Variants in GIPC2 observed in about 807,000 individuals in gnomAD.
GIPC2 encodes GIPC PDZ domain containing family member 2.
In GIPC2, 30 loss-of-function variants were observed where a neutral mutation model predicts 30.6. The observed-to-expected ratio is 0.98, with a 90% CI of 0.73 to 1.33. The LOEUF (loss-of-function observed/expected upper bound fraction) is 1.33. Ranked by LOEUF, GIPC2 falls within the 40% of genes most tolerant of loss-of-function variation. The pLI is 0.00. For missense variants in GIPC2, 414 were observed against 390.3 expected (o/e 1.06, Z -0.51); for synonymous variants, 167 against 150.0 (o/e 1.11, Z -0.83).
chr1:78,081,681 A>G (rs930983240), intron 2 of GIPC2, among the ~76,000 whole-genome samples: 1 of 152,180 alleles, frequency 6.6e-6, no homozygotes, highest in Non-Finnish European at 1.5e-5. Flanking sequence ...GTGTGAAACT[A>G]AGAACTGAGG....
Position 78,135,631 on chromosome 1 carries a change from C to T in GIPC2, c.836C>T (p.Pro279Leu), listed in dbSNP as rs1195952056. Residue 279 changes from proline to leucine, a missense_variant, in exon 6 of 6, where the codon CCA becomes CTA. Coordinates refer to ENST00000370759, the MANE Select transcript of GIPC2 (RefSeq NM_017655.6). ...GAAGCTGGAAAGGACAAAGTAAATCCAGATGAATTTGCTGTGGCACTTGAC... is the reference window on the plus strand; with the variant it reads ...GAAGCTGGAAAGGACAAAGTAAATCTAGATGAATTTGCTGTGGCACTTGAC... ...MFEAGKDKVNPDEFAVALDET... is the reference protein window; with the variant it reads ...MFEAGKDKVNLDEFAVALDET... 2 of 1,604,196 alleles carry T rather than the reference C, an allele frequency of 1.2e-6. No homozygotes were observed. Among genetic ancestry groups the T allele is most frequent in the East Asian group, 2.2e-5 (1 of 44,834 alleles).
At chr1:78,121,514 A>G (rs1662682906) in intron 4 of GIPC2, among the ~76,000 whole-genome samples, 1 of 152,100 alleles carries the variant, frequency 6.6e-6, no homozygotes, top group Admixed American at 6.5e-5. Context: ...GTAGACACTT[A>G]AGGAACACAT....
chr1:78,063,736 TTGCCGGGTG>T (rs1208170151), intron 1 of GIPC2, among the ~76,000 whole-genome samples: 1 of 151,282 alleles, frequency 6.6e-6, no homozygotes, highest in East Asian at 2.0e-4. Context: ...ATACAAAAAT[TTGCCGGGTG>T]TGGTGGTGCA....
chr1:78,045,129 G>C (rs1191165370), upstream of GIPC2: 1 of 920,200 alleles, frequency 1.1e-6, no homozygotes, highest in African/African-American at 1.8e-5. Flanking sequence ...ACTTGTATTT[G>C]GTAATTAAGA....
chr1:78,069,568 G>A (rs1484887355), intron 1 of GIPC2, among the ~76,000 whole-genome samples: 1 of 149,666 alleles, frequency 6.7e-6, no homozygotes, highest in East Asian at 2.0e-4. Context: ...CTGCCTCCCA[G>A]GTTCAAGTGA....
At chr1:78,115,730 A>T (rs187201677) in intron 3 of GIPC2, among the ~76,000 whole-genome samples, 4 of 152,284 alleles carry the variant, frequency 2.6e-5, no homozygotes, top group Admixed American at 2.6e-4. Context: ...TAGCATTTGG[A>T]TGTTTCCCAA....
At chr1:78,085,927 A>T (rs1254761893) in intron 2 of GIPC2, among the ~76,000 whole-genome samples, 3 of 110,734 alleles carry the variant, frequency 2.7e-5, no homozygotes, top group Non-Finnish European at 1.9e-5. Flanking sequence ...TGTTCAGTTC[A>T]GCTCTGGTTT....
At chr1:78,077,963 C>T (rs903796375) in intron 1 of GIPC2, among the ~76,000 whole-genome samples, 7 of 151,796 alleles carry the variant, frequency 4.6e-5, no homozygotes, top group Middle Eastern at 6.8e-3. Context: ...CCGAGGCGGG[C>T]GGATCACGAG....
At chr1:78,089,744 C>T (rs1288794752) in intron 2 of GIPC2, among the ~76,000 whole-genome samples, 1 of 152,152 alleles carries the variant, frequency 6.6e-6, no homozygotes, top group Non-Finnish European at 1.5e-5. Context: ...ATATAAATAC[C>T]TTAATCAGAA....
At chr1:78,109,486 C>G (rs1475036166) in intron 3 of GIPC2, among the ~76,000 whole-genome samples, 1 of 152,202 alleles carries the variant, frequency 6.6e-6, no homozygotes, top group Non-Finnish European at 1.5e-5. Context: ...GCTCTGCCCA[C>G]TTACCTGGTT....
intron 3 of GIPC2, among the ~76,000 whole-genome samples, chr1:78,106,663 A>G (rs1448873604): frequency 6.6e-6 from 1 of 152,214 alleles, no homozygotes; most frequent in Non-Finnish European, 1.5e-5. Flanking sequence ...AAAATACCTT[A>G]CAGTGGATTT....
At chr1:78,135,431 A>T (rs1662982205) in intron 5 of GIPC2, among the ~76,000 whole-genome samples, 161 bp from the exon 6 acceptor site, 1 of 152,124 alleles carries the variant, frequency 6.6e-6, no homozygotes, top group Admixed American at 6.6e-5. Flanking sequence ...TGTGTGTGTG[A>T]GAGAGGGTAT....
intron 5 of GIPC2, among the ~76,000 whole-genome samples, chr1:78,129,762 A>G (rs1662856358): frequency 6.6e-6 from 1 of 152,304 alleles, no homozygotes; most frequent in Admixed American, 6.5e-5. Flanking sequence ...CTCAGTGGAA[A>G]GTTGTGTCAT....
intron 2 of GIPC2, among the ~76,000 whole-genome samples, chr1:78,088,101 AT>A (rs1661966084): frequency 6.6e-6 from 1 of 152,246 alleles, no homozygotes; most frequent in Non-Finnish European, 1.5e-5. Flanking sequence ...AAATAAAAAA[AT>A]AAGTTGCTGG....
At chr1:78,119,271 G>A (rs911790590) in intron 3 of GIPC2, 122 bp from the exon 4 acceptor site, 29 of 583,668 alleles carry the variant, frequency 5.0e-5, no homozygotes, top group Admixed American at 1.6e-4. Flanking sequence ...GAAGGCCTAC[G>A]TTTTATCAAA....
chr1:78,067,557 T>C (rs1661542270), intron 1 of GIPC2, among the ~76,000 whole-genome samples: 1 of 152,122 alleles, frequency 6.6e-6, no homozygotes. Context: ...GTTCAAGCGA[T>C]TCTCCCACCT....
intron 1 of GIPC2, among the ~76,000 whole-genome samples, chr1:78,079,890 A>G (rs1289651473): frequency 1.3e-5 from 2 of 151,992 alleles, no homozygotes; most frequent in Admixed American, 1.3e-4. Flanking sequence ...CCCCTTTGAA[A>G]TCTCCACACA....
At chr1:78,122,119 G>A (rs1471375196) in intron 4 of GIPC2, among the ~76,000 whole-genome samples, 1 of 152,084 alleles carries the variant, frequency 6.6e-6, no homozygotes, top group Non-Finnish European at 1.5e-5. Context: ...TACCTGGGGA[G>A]GTAGGAAAGA....
chr1:78,072,745 G>A (rs1441474820), intron 1 of GIPC2, among the ~76,000 whole-genome samples: 1 of 152,034 alleles, frequency 6.6e-6, no homozygotes, highest in Non-Finnish European at 1.5e-5. Context: ...CATAATCCAG[G>A]TGGTTTTCTT....
Sources: allele counts gnomAD v4.1 joint callset (sites outside exome capture counted in the v4.1 genomes callset), GRCh38; gene constraint gnomAD v4.1.1; transcripts MANE v1.5; gene names NCBI Gene and HGNC (gene_info 2026-07-23, HGNC 2026-07-21).